The following NIBAN2 variants were observed in gnomAD, a reference collection of about 807,000 sequenced individuals.
NIBAN2 encodes niban apoptosis regulator 2.
NIBAN2 carries 36 observed loss-of-function variants against 81.8 expected under a neutral mutation model. That is an observed-to-expected ratio of 0.44 (90% CI 0.34 to 0.58). NIBAN2 has a LOEUF of 0.58. Among genes scored for constraint, NIBAN2 ranks in the 20% least tolerant of loss-of-function variants. NIBAN2 has a pLI of 0.02. For synonymous variants in NIBAN2, 445 were observed against 441.6 expected, an observed-to-expected ratio of 1.01 and a Z score of -0.10; for missense variants, 897 against 1,014.1, an observed-to-expected ratio of 0.88 and a Z score of 1.57.
chr9:127,576,299 G>T (rs1047730060), intron 1 of NIBAN2, among the ~76,000 whole-genome samples: 4 of 151,968 alleles, frequency 2.6e-5, no homozygotes, highest in African/African-American at 7.3e-5. Flanking sequence ...CTTCTATAGT[G>T]CATGTGGGCC....
chr9:127,507,118 C>T lies in NIBAN2; in HGVS notation c.1968G>A (p.Leu656=), dbSNP rs753338998. 2 of 1,590,446 alleles carry T rather than the reference C, an allele frequency of 1.3e-6. No individual in the cohort carries two copies. The highest frequency in any genetic ancestry group is 1.7e-6 in the Non-Finnish European group (2 of 1,168,866). ...TCTCAGGCCGCAGACCTTGGGCCAG[C>T]AGGCCTCGGATCTCAGTGACACCGT... is the stretch of plus-strand genomic sequence containing the variant. ...SPDGVTEIRG[L]LAQGLRPESP... Residue 656 remains leucine (L), a synonymous_variant, in exon 14 of 14, where the codon CTG becomes CTA. Transcript: ENST00000373312. This position sits in a 1 kb window ranked among gnomAD's most constrained non-coding sequence, Gnocchi z 6.8.
chr9:127,525,711 T>C (rs1050493534), intron 3 of NIBAN2, among the ~76,000 whole-genome samples: 2 of 152,158 alleles, frequency 1.3e-5, no homozygotes, highest in South Asian at 2.1e-4. Context: ...GCTAAGGGCA[T>C]TGCATGCTTA....
At chr9:127,546,780 T>C (rs1203516807) in intron 1 of NIBAN2, among the ~76,000 whole-genome samples, 2 of 152,076 alleles carry the variant, frequency 1.3e-5, no homozygotes, top group East Asian at 3.9e-4. Context: ...TCCTGGCCAC[T>C]GGGTACTCAG....
chr9:127,517,311 C>T lies in NIBAN2; in HGVS notation c.706-95G>A. On this transcript the variant is annotated intron_variant, in intron 6 of 13. Coordinates refer to ENST00000373312, the MANE Select transcript of NIBAN2 (RefSeq NM_022833.4). This position sits in a 1 kb window ranked among gnomAD's most constrained non-coding sequence, Gnocchi z 4.0. Reference sequence around the variant, plus strand: ...CCCACAAGCCAGGCCGCTGCAGCCCCCACCTCCTCCGCGACTGGCCCATTG... The same window carrying T: ...CCCACAAGCCAGGCCGCTGCAGCCCTCACCTCCTCCGCGACTGGCCCATTG... 9.9e-7 allele frequency: 1 copy of T among 1,009,986 alleles called. No homozygotes were observed. Among genetic ancestry groups the T allele is most frequent in the Non-Finnish European group, 1.5e-6 (1 of 672,070 alleles). The allele number at this position is 1,009,986 out of a possible 1,614,324, so 62.6% of individuals were successfully genotyped here.
chr9:127,555,575 G>A (rs1363305213), intron 1 of NIBAN2, among the ~76,000 whole-genome samples: 1 of 152,198 alleles, frequency 6.6e-6, no homozygotes, highest in East Asian at 1.9e-4. Context: ...ACTTTGGGAG[G>A]CCAAGGCAGG....
At chr9:127,550,479 G>A (rs1837556445) in intron 1 of NIBAN2, among the ~76,000 whole-genome samples, 1 of 152,208 alleles carries the variant, frequency 6.6e-6, no homozygotes, top group African/African-American at 2.4e-5. Context: ...TGCCCTAGGA[G>A]GGCAGGGACC....
At chr9:127,530,613 C>T (rs1011678964) in intron 2 of NIBAN2, among the ~76,000 whole-genome samples, 4 of 152,264 alleles carry the variant, frequency 2.6e-5, no homozygotes, top group African/African-American at 9.6e-5. Flanking sequence ...CCTTAGCAAA[C>T]AGCATCCTAC....
chr9:127,542,303 C>T (rs1837394152), intron 1 of NIBAN2, among the ~76,000 whole-genome samples: 1 of 152,202 alleles, frequency 6.6e-6, no homozygotes, highest in Admixed American at 6.5e-5. Flanking sequence ...AAGCCCCAGG[C>T]TGGGTGGGAG....
In NIBAN2 at chr9:127,545,779, CCCTTT is replaced by C. The variant is rs1837460580; in HGVS notation, c.56-14006_56-14002del. Reference sequence around the variant, plus strand: ...ACCCAAAACCCGCCCACTGGGGCTGCCCTTTCCTTTACACCTCGAGGCCGCCTGGT... The same window carrying C: ...ACCCAAAACCCGCCCACTGGGGCTGCCCTTTACACCTCGAGGCCGCCTGGT... On this transcript the variant is annotated intron_variant, in intron 1 of 13. Coordinates refer to ENST00000373312, the MANE Select transcript of NIBAN2 (RefSeq NM_022833.4). The surrounding 1 kb of genome is among the most constrained non-coding windows in gnomAD (Gnocchi z 4.7). 6.6e-6 allele frequency among the ~76,000 whole-genome samples: 1 copy of C among 152,196 alleles called. No homozygotes were observed. Among genetic ancestry groups the C allele is most frequent in the East Asian group, 1.9e-4 (1 of 5,180 alleles).
At chr9:127,576,153 A>T (rs1295560206) in intron 1 of NIBAN2, among the ~76,000 whole-genome samples, 1 of 152,162 alleles carries the variant, frequency 6.6e-6, no homozygotes, top group East Asian at 1.9e-4. Flanking sequence ...TGTGCAGAAC[A>T]CTATCCTGGG....
chr9:127,557,925 G>A (rs1837702786), intron 1 of NIBAN2, among the ~76,000 whole-genome samples: 2 of 152,190 alleles, frequency 1.3e-5, no homozygotes, highest in Admixed American at 6.5e-5. Context: ...AGGCCCAGAG[G>A]AGAGACGCCC....
intron 4 of NIBAN2, 26 bp downstream of exon 4, chr9:127,525,032 G>A (rs751731965): frequency 4.5e-6 from 7 of 1,562,678 alleles, no homozygotes; most frequent in Non-Finnish European, 6.2e-6. Context: ...GCAGGGCATT[G>A]TGGCCTGGGA....
intron 1 of NIBAN2, among the ~76,000 whole-genome samples, chr9:127,537,311 T>G (rs1001685011): frequency 1.3e-5 from 2 of 152,252 alleles, no homozygotes; most frequent in Admixed American, 6.5e-5. Flanking sequence ...TTTGAGGTGC[T>G]CAGCTCCAGG....
intron 1 of NIBAN2, among the ~76,000 whole-genome samples, chr9:127,548,836 T>C (rs906371235): frequency 6.6e-6 from 1 of 152,036 alleles, no homozygotes; most frequent in Non-Finnish European, 1.5e-5. Flanking sequence ...GCTGGGGAAG[T>C]CCAGCCGTAG....
upstream of NIBAN2, among the ~76,000 whole-genome samples, chr9:127,572,870 C>T (rs959835878): frequency 6.6e-6 from 1 of 151,882 alleles, no homozygotes; most frequent in African/African-American, 2.4e-5. Context: ...CAGAATGAGA[C>T]CCCGTCGTTA....
At chr9:127,575,530 T>TG (rs1837998684) in intron 1 of NIBAN2, among the ~76,000 whole-genome samples, 2 of 144,592 alleles carry the variant, frequency 1.4e-5, no homozygotes, top group Non-Finnish European at 3.0e-5. Context: ...TGGGCCCTTT[T>TG]TTTTTTTTTT....
At position 127,517,567 on chromosome 9, in the gene NIBAN2, G is replaced by A. The variant is rs1468981716; in HGVS notation, c.705+259C>T. On this transcript the variant is annotated intron_variant, in intron 6 of 13. Transcript: ENST00000373312. This position sits in a 1 kb window ranked among gnomAD's most constrained non-coding sequence, Gnocchi z 4.0. The stretch of plus-strand genomic sequence containing the variant: ...CTGCTATACGGAGAGCTCCCTGAGG[G>A]CCAGGAATTTGTCCACATCATTCCC... Among the ~76,000 whole-genome samples the A allele has an allele frequency of 6.6e-6, 1 of 152,166 alleles. No individual in the cohort carries two copies. The highest frequency in any genetic ancestry group is 1.5e-5 in the Non-Finnish European group (1 of 68,036).
At chr9:127,516,137 G>GAAAT (rs10684505) in intron 8 of NIBAN2, among the ~76,000 whole-genome samples, 107,435 of 151,534 alleles carry the variant, frequency 0.71, 38,582 homozygotes, top group Middle Eastern at 0.78. Flanking sequence ...AAAATAAAAT[G>GAAAT]AAATAAAATA....
upstream of NIBAN2, among the ~76,000 whole-genome samples, chr9:127,571,265 C>T (rs1564323707): frequency 7.9e-6 from 1 of 127,034 alleles, no homozygotes; most frequent in Non-Finnish European, 1.7e-5. Flanking sequence ...GGGTTCCTCC[C>T]TGGCCCAGGG....
Sources: allele counts gnomAD v4.1 joint callset (sites outside exome capture counted in the v4.1 genomes callset), GRCh38; gene constraint gnomAD v4.1.1; non-coding constraint Gnocchi (gnomAD v3.1); transcripts MANE v1.5; gene names NCBI Gene and HGNC (gene_info 2026-07-23, HGNC 2026-07-21).